Variants in CNTN3 observed in about 807,000 individuals in gnomAD.
CNTN3 encodes contactin 3, also known as contactin-3.
A neutral mutation model predicts 119.1 loss-of-function variants in CNTN3; 60 were observed. The observed-to-expected ratio is 0.50, with a 90% CI of 0.41 to 0.62. The LOEUF is 0.62. CNTN3 is among the 20% of genes least tolerant of loss of function. CNTN3 has a pLI of 0.00. For synonymous variants in CNTN3, 450 were observed against 438.7 expected (o/e 1.03, Z -0.32); for missense variants, 1,101 against 1,242.4 (o/e 0.89, Z 1.71).
At chr3:74,479,874 A>G (rs1702731271) in intron 4 of CNTN3, among the ~76,000 whole-genome samples, 1 of 152,128 alleles carries the variant, frequency 6.6e-6, no homozygotes, top group African/African-American at 2.4e-5. Flanking sequence ...AATACCTGAG[A>G]GGACATCCAA....
chr3:74,385,963 A>G (rs1216448266), intron 5 of CNTN3, among the ~76,000 whole-genome samples: 1 of 152,196 alleles, frequency 6.6e-6, no homozygotes. Flanking sequence ...CAAATAACTG[A>G]TCTTGGCAAC....
intron 1 of CNTN3, among the ~76,000 whole-genome samples, chr3:74,522,423 A>C (rs1391951982): frequency 6.6e-6 from 1 of 151,908 alleles, no homozygotes; most frequent in Non-Finnish European, 1.5e-5. Flanking sequence ...TTTAACCTTC[A>C]CTCAATATCC....
intron 4 of CNTN3, among the ~76,000 whole-genome samples, chr3:74,464,240 T>C (rs1055697549): frequency 6.6e-6 from 1 of 152,132 alleles, no homozygotes; most frequent in African/African-American, 2.4e-5. Flanking sequence ...TCAAGTATAA[T>C]TTATAATTAC....
chr3:74,295,334 T>C (rs1048161391), intron 18 of CNTN3, 98 bp from the exon 19 acceptor site: 13 of 653,362 alleles, frequency 2.0e-5, no homozygotes, highest in Admixed American at 1.1e-4. Context: ...TTTAACGTAT[T>C]TGAAAATTGT....
chr3:74,500,826 A>G (rs1371275595), intron 2 of CNTN3, among the ~76,000 whole-genome samples: 1 of 152,096 alleles, frequency 6.6e-6, no homozygotes, highest in Admixed American at 6.6e-5. Flanking sequence ...ATTCTAAAGT[A>G]AATTCTGCAT....
At chr3:74,314,220 G>A (rs533053175) in intron 13 of CNTN3, among the ~76,000 whole-genome samples, 65 of 152,146 alleles carry the variant, frequency 4.3e-4, no homozygotes, top group African/African-American at 1.5e-3. Flanking sequence ...ACCACAAATG[G>A]CAGCAAGTGA....
At chr3:74,402,206 C>T (rs1404091870) in intron 5 of CNTN3, among the ~76,000 whole-genome samples, 1 of 152,112 alleles carries the variant, frequency 6.6e-6, no homozygotes, top group Non-Finnish European at 1.5e-5. Flanking sequence ...GTCCCAAAAC[C>T]CCCAAGGTTT....
At chr3:74,536,095 T>G (rs1372999532) in intron 1 of CNTN3, among the ~76,000 whole-genome samples, 2 of 152,114 alleles carry the variant, frequency 1.3e-5, no homozygotes, top group Non-Finnish European at 2.9e-5. Context: ...CTTTCACTTT[T>G]CAGAAAAAGA....
intron 4 of CNTN3, among the ~76,000 whole-genome samples, chr3:74,450,217 TG>T (rs1702123384): frequency 6.6e-6 from 1 of 152,122 alleles, no homozygotes; most frequent in Non-Finnish European, 1.5e-5. Context: ...AAAATACATG[TG>T]TTTTTTATAT....
At chr3:74,307,422 T>C (rs938796186) in intron 13 of CNTN3, among the ~76,000 whole-genome samples, 12 of 152,328 alleles carry the variant, frequency 7.9e-5, no homozygotes, top group South Asian at 2.1e-4. Flanking sequence ...TTCCATAATA[T>C]GTTACAAGTA....
At position 74,312,073 on chromosome 3, in the gene CNTN3, GA is replaced by G. The variant is rs201150901; in HGVS notation, c.1669-9267del. Among the ~76,000 whole-genome samples the G allele has an allele frequency of 1.1e-3, 161 of 149,332 alleles. 1 individual carries two copies. The highest frequency in any genetic ancestry group is 2.0e-3 in the Admixed American group (30 of 14,996). On this transcript the variant is annotated intron_variant, in intron 13 of 22. Coordinates refer to ENST00000263665, the MANE Select transcript of CNTN3 (RefSeq NM_020872.3). ...TACTGGGTCCTCACAGTGAATATTG[GA>G]AAAAAAAAATCCCCTCATGTTTCTG...
At chr3:74,463,511 C>T (rs541245809) in intron 4 of CNTN3, among the ~76,000 whole-genome samples, 3 of 152,164 alleles carry the variant, frequency 2.0e-5, no homozygotes, top group Admixed American at 2.0e-4. Context: ...TTCGTGAATG[C>T]CACTATGAGG....
intron 3 of CNTN3, among the ~76,000 whole-genome samples, chr3:74,497,832 G>A (rs1201543787): frequency 6.6e-6 from 1 of 151,690 alleles, no homozygotes; most frequent in Admixed American, 6.6e-5. Flanking sequence ...TGCAAACAGT[G>A]AAACTTCTTT....
chr3:74,576,160 A>G (rs750547657), intron 1 of CNTN3, among the ~76,000 whole-genome samples: 1 of 151,620 alleles, frequency 6.6e-6, no homozygotes, highest in Non-Finnish European at 1.5e-5. Context: ...CCTCTCTTCC[A>G]TTTTCCTTCC....
intron 4 of CNTN3, among the ~76,000 whole-genome samples, chr3:74,426,139 T>C (rs1701691332): frequency 6.6e-6 from 1 of 152,186 alleles, no homozygotes; most frequent in Non-Finnish European, 1.5e-5. Context: ...AAAATTCCGT[T>C]GACTTCATTT....
At chr3:74,285,788 GAGATATATATATATATATATAT>G (rs1559681289) in intron 19 of CNTN3, among the ~76,000 whole-genome samples, 3 of 84,632 alleles carry the variant, frequency 3.5e-5, no homozygotes, top group Non-Finnish European at 7.2e-5. Flanking sequence ...GAATGAAGGG[GAGATATATATATATATATATAT>G]ATATATATAT....
intron 13 of CNTN3, among the ~76,000 whole-genome samples, chr3:74,317,833 G>A (rs1278411969): frequency 7.9e-5 from 12 of 152,012 alleles, no homozygotes; most frequent in South Asian, 2.1e-4. Context: ...TGCTCTTCTC[G>A]AGGAGTATCT....
intron 19 of CNTN3, among the ~76,000 whole-genome samples, chr3:74,292,736 C>A (rs1479119298): frequency 6.6e-6 from 1 of 152,202 alleles, no homozygotes; most frequent in East Asian, 1.9e-4. Context: ...ATTTTCCAAA[C>A]ACAGCTGGCA....
At chr3:74,580,672 C>T (rs962190266) in intron 1 of CNTN3, among the ~76,000 whole-genome samples, 1 of 152,024 alleles carries the variant, frequency 6.6e-6, no homozygotes, top group African/African-American at 2.4e-5. Flanking sequence ...AAGTAATCAC[C>T]TTTATGATAA....
Sources: gnomAD v4.1 joint callset for allele counts (sites outside exome capture counted in the v4.1 genomes callset) on GRCh38, gnomAD v4.1.1 for gene constraint, MANE v1.5 for transcripts, NCBI Gene and HGNC (gene_info 2026-07-23, HGNC 2026-07-21) for gene names.